TAB2: variants seen among roughly 807,000 people sequenced by gnomAD.
The protein encoded by TAB2 is TGF-beta activated kinase 1 (MAP3K7) binding protein 2, also known as TGF-beta-activated kinase 1 and MAP3K7-binding protein 2.
Under a neutral mutation model 65.0 loss-of-function variants are expected in TAB2, and 3 were observed. The ratio of observed to expected loss-of-function variants is 0.05; its 90% CI spans 0.02 to 0.12. TAB2 has a LOEUF of 0.12. TAB2 is among the 10% of genes least tolerant of loss of function. The pLI is 1.00. For synonymous variants in TAB2, 298 were observed against 285.1 expected, an observed-to-expected ratio of 1.05 and a Z score of -0.46; for missense variants, 623 against 840.3, an observed-to-expected ratio of 0.74 and a Z score of 3.20.
intron 1 of TAB2, among the ~76,000 whole-genome samples, chr6:149,319,667 G>T (rs1042555023): frequency 2.0e-5 from 3 of 152,152 alleles, no homozygotes; most frequent in African/African-American, 7.2e-5. Context: ...CTAATAGAGG[G>T]TGCTTAAGTT....
intron 1 of TAB2, among the ~76,000 whole-genome samples, chr6:149,363,940 C>T (rs1392394039): frequency 1.3e-5 from 2 of 152,142 alleles, no homozygotes; most frequent in Non-Finnish European, 2.9e-5. Context: ...AATTCAGAGA[C>T]GAGACCACTA....
intron 2 of TAB2, among the ~76,000 whole-genome samples, chr6:149,374,543 T>TC (rs1781339193): frequency 6.6e-6 from 1 of 152,186 alleles, no homozygotes; most frequent in Non-Finnish European, 1.5e-5. Flanking sequence ...ATTGGGACAT[T>TC]CCAGTATTAC....
At position 149,411,492 on chromosome 6, in the gene TAB2, T is replaced by C. The variant is rs1374707185; in HGVS notation, c.*1773T>C. On this transcript the variant is annotated 3_prime_UTR_variant, in exon 7 of 7. Coordinates refer to ENST00000637181, the MANE Select transcript of TAB2 (RefSeq NM_001292034.3). The stretch of plus-strand genomic sequence containing the variant: ...AGATTGATAAATCAGTTTTTACTTG[T>C]TTTATTAATAAAACGTAATTTGGAT... 6.5e-6 allele frequency: 1 copy of C among 152,892 alleles called. No homozygotes were observed. The highest frequency in any genetic ancestry group is 1.5e-5 in the Non-Finnish European group (1 of 68,032). 9.5% of individuals were successfully genotyped at this position (152,892 alleles called of 1,614,324 possible).
chr6:149,295,547 A>G (rs1358677290), intron 1 of TAB2, among the ~76,000 whole-genome samples: 2 of 152,142 alleles, frequency 1.3e-5, no homozygotes, highest in Non-Finnish European at 2.9e-5. Context: ...TTATGTTTAT[A>G]ATCCTCTTTC....
chr6:149,380,534 C>T (rs1781572666), intron 3 of TAB2, among the ~76,000 whole-genome samples: 1 of 152,048 alleles, frequency 6.6e-6, no homozygotes, highest in Non-Finnish European at 1.5e-5. Flanking sequence ...AAATTTCTGT[C>T]ATATGTTTTA....
chr6:149,273,113 C>CGAGTGGGTA (rs1413443222), intron 1 of TAB2, among the ~76,000 whole-genome samples: 2 of 152,006 alleles, frequency 1.3e-5, no homozygotes, highest in Non-Finnish European at 2.9e-5. Context: ...GACCACTGAT[C>CGAGTGGGTA]GAGTGGGTAG....
At chr6:149,259,656 A>T (rs951999107) in intron 1 of TAB2, among the ~76,000 whole-genome samples, 1 of 152,224 alleles carries the variant, frequency 6.6e-6, no homozygotes, top group Admixed American at 6.5e-5. Flanking sequence ...TGTCTTATAG[A>T]TGCTTATTCA....
chr6:149,224,762 G>A (rs767215215), intron 1 of TAB2, among the ~76,000 whole-genome samples: 31 of 152,292 alleles, frequency 2.0e-4, no homozygotes, highest in Admixed American at 6.5e-4. Context: ...TTTTCAACTC[G>A]TAGTTTGATA....
chr6:149,316,483 G>T (rs2114716855), upstream of TAB2, among the ~76,000 whole-genome samples: 1 of 152,324 alleles, frequency 6.6e-6, no homozygotes, highest in African/African-American at 2.4e-5. Context: ...TCTGGAGTAA[G>T]AATTGTTTCA....
chr6:149,247,142 C>G (rs1777737978), intron 1 of TAB2: 1 of 152,462 alleles, frequency 6.6e-6, no homozygotes, highest in Admixed American at 6.5e-5. Context: ...CCAACCTCTA[C>G]TGCCCCCTCG....
At chr6:149,306,422 C>T (rs1176942807) in intron 1 of TAB2, among the ~76,000 whole-genome samples, 3 of 151,976 alleles carry the variant, frequency 2.0e-5, no homozygotes, top group South Asian at 4.1e-4. Context: ...TGGTGGCGGG[C>T]ACCTGTAGTC....
chr6:149,258,159 A>G (rs1399698357), intron 1 of TAB2, among the ~76,000 whole-genome samples: 1 of 152,198 alleles, frequency 6.6e-6, no homozygotes, highest in Non-Finnish European at 1.5e-5. Flanking sequence ...CAGTAAGGCC[A>G]CACAGCGGTG....
chr6:149,409,276 A>G (rs1238645567), intron 6 of TAB2, among the ~76,000 whole-genome samples: 1 of 152,208 alleles, frequency 6.6e-6, no homozygotes, highest in Non-Finnish European at 1.5e-5. Flanking sequence ...GAGTGGTATT[A>G]TGGGAATCTT....
intron 3 of TAB2, among the ~76,000 whole-genome samples, chr6:149,384,489 A>G (rs778255138): frequency 4.6e-5 from 7 of 152,240 alleles, no homozygotes; most frequent in Non-Finnish European, 1.0e-4. Flanking sequence ...TCCTTAAGGT[A>G]CTACAGGAAT....
At chr6:149,219,306 TTGTGTGTGTGTGTGTGTG>T (rs3064238) in intron 1 of TAB2, among the ~76,000 whole-genome samples, 1 of 146,112 alleles carries the variant, frequency 6.8e-6, no homozygotes, top group Admixed American at 6.8e-5. Flanking sequence ...ATTTTAACAT[TTGTGTGTGTGTGTGTGTG>T]TGTGTGTGTG....
chr6:149,401,587 A>G (rs949546259), intron 6 of TAB2, among the ~76,000 whole-genome samples: 4 of 152,172 alleles, frequency 2.6e-5, no homozygotes, highest in African/African-American at 9.6e-5. Context: ...GACGACAGAA[A>G]TTGACAGCAA....
At chr6:149,235,053 T>A (rs926247228) in intron 1 of TAB2, among the ~76,000 whole-genome samples, 1 of 152,238 alleles carries the variant, frequency 6.6e-6, no homozygotes, top group African/African-American at 2.4e-5. Flanking sequence ...AGGAGGTTTA[T>A]AATTAATAAT....
chr6:149,370,039 T>A lies in TAB2; in HGVS notation c.42T>A (p.His14Gln). Residue 14 changes from histidine (H) to glutamine (Q), a missense_variant, in exon 2 of 7, where the codon CAT becomes CAA. His to Gln is a conservative substitution (Grantham distance 24). This residue lies in a region of TAB2 where 17 missense variants were observed against 44.2 expected (regional missense o/e 0.38). Coordinates refer to ENST00000637181, the MANE Select transcript of TAB2 (RefSeq NM_001292034.3). Reference sequence around the variant, plus strand: ...ACCAAATTGATTTTCAGGTTTTACATGACCTGCGACAAAAATTCCCTGAAG... The same window carrying A: ...ACCAAATTGATTTTCAGGTTTTACAAGACCTGCGACAAAAATTCCCTGAAG... ...GSHQIDFQVL[H>Q]DLRQKFPEVP... The A allele has an allele frequency of 1.2e-6, 2 of 1,614,166 alleles. No homozygotes were observed. Among genetic ancestry groups the A allele is most frequent in the Non-Finnish European group, 1.7e-6 (2 of 1,180,010 alleles).
At chr6:149,304,558 A>G (rs1779026133) in intron 1 of TAB2, 1 of 152,288 alleles carries the variant, frequency 6.6e-6, no homozygotes, top group African/African-American at 2.4e-5. Flanking sequence ...AGCAGGTCCT[A>G]TACTGATGGG....
Sources: gnomAD v4.1 joint callset for allele counts (sites outside exome capture counted in the v4.1 genomes callset) on GRCh38, gnomAD v4.1.1 for gene constraint, gnomAD v4.1.1 regional missense constraint, MANE v1.5 for transcripts, NCBI Gene and HGNC (gene_info 2026-07-23, HGNC 2026-07-21) for gene names.